RAB3GAP2: variants seen among roughly 807,000 people sequenced by gnomAD.
The protein encoded by RAB3GAP2 is rab3 GTPase-activating protein non-catalytic subunit.
A neutral mutation model predicts 185.3 loss-of-function variants in RAB3GAP2; 87 were observed. The ratio of observed to expected loss-of-function variants is 0.47; its 90% CI spans 0.39 to 0.56. RAB3GAP2 has a LOEUF of 0.56. Among genes scored for constraint, RAB3GAP2 ranks in the 20% least tolerant of loss-of-function variants. The pLI, the probability that RAB3GAP2 is intolerant of heterozygous loss-of-function variation, is 0.00. For synonymous variants in RAB3GAP2, 554 were observed against 576.1 expected, an observed-to-expected ratio of 0.96 and a Z score of 0.55; for missense variants, 1,492 against 1,638.2, an observed-to-expected ratio of 0.91 and a Z score of 1.54.
At chr1:220,195,206 C>T in intron 11 of RAB3GAP2, 39 bp from the exon 12 acceptor site, 1 of 1,609,900 alleles carries the variant, frequency 6.2e-7, no homozygotes, top group Non-Finnish European at 8.5e-7. Flanking sequence ...AACTGAGCTT[C>T]CAGGGTTTTA....
In RAB3GAP2 at chr1:220,167,392, C is replaced by T. The variant is rs2102857054; in HGVS notation, c.2988G>A (p.Leu996=). 6.2e-7 allele frequency: 1 copy of T among 1,614,074 alleles called. No individual in the cohort carries two copies. ...EMDLGAIPDL[L]HLAYEQFPCS... The stretch of plus-strand genomic sequence containing the variant: ...AAGGAAACTGCTCATAGGCTAAATG[C>T]AGTAAGTCTGAAAGTCAGAAGAAAG... Residue 996 remains leucine (L), a synonymous_variant, in exon 26 of 35, where the codon CTG becomes CTA. Coordinates refer to ENST00000358951, the MANE Select transcript of RAB3GAP2 (RefSeq NM_012414.4).
chr1:220,199,958 G>C (rs1658811026), intron 9 of RAB3GAP2, among the ~76,000 whole-genome samples: 1 of 152,138 alleles, frequency 6.6e-6, no homozygotes. Context: ...CAAACAGGGA[G>C]ATATGTTTAA....
intron 9 of RAB3GAP2, among the ~76,000 whole-genome samples, chr1:220,200,328 T>C (rs1658825604): frequency 1.3e-5 from 2 of 152,196 alleles, no homozygotes; most frequent in African/African-American, 4.8e-5. Context: ...CTCTCTACCA[T>C]AACCTACTTA....
rs373538022 is a variant in RAB3GAP2, at chr1:220,154,045, A to G, written c.3568T>C (p.Phe1190Leu). 1 of 1,613,470 alleles carries G rather than the reference A, an allele frequency of 6.2e-7. No individual in the cohort carries two copies. Among genetic ancestry groups the G allele is most frequent in the Non-Finnish European group, 8.5e-7 (1 of 1,179,744 alleles). Residue 1190 changes from phenylalanine to leucine, a missense_variant, in exon 32 of 35, where the codon TTT becomes CTT. Coordinates refer to ENST00000358951, the MANE Select transcript of RAB3GAP2 (RefSeq NM_012414.4). ...SLFDSKGKNA[F>L]FKDLTSIQLL... ...TGAATTGAAGTTAGGTCTTTGAAAA[A>G]TGCATTTTTTCCCTAAAAAGAAAGA...
At chr1:220,195,199 T>C (rs777156872) in intron 11 of RAB3GAP2, 32 bp from the exon 12 acceptor site, 2 of 1,611,408 alleles carry the variant, frequency 1.2e-6, no homozygotes, top group South Asian at 1.1e-5. Context: ...AATATAAAAC[T>C]GAGCTTCCAG....
intron 7 of RAB3GAP2, chr1:220,208,347 T>C (rs1225071046): frequency 6.6e-6 from 1 of 152,210 alleles, no homozygotes; most frequent in Non-Finnish European, 1.5e-5. Context: ...TCCTATCTCC[T>C]TACGATGAGT....
At chr1:220,154,694 A>G (rs1657824872) in intron 31 of RAB3GAP2, among the ~76,000 whole-genome samples, 1 of 151,574 alleles carries the variant, frequency 6.6e-6, no homozygotes, top group Non-Finnish European at 1.5e-5. Context: ...AGTAATAGCT[A>G]AGTAATACAT....
chr1:220,214,902 A>G (rs1051410502), intron 2 of RAB3GAP2, among the ~76,000 whole-genome samples: 32 of 142,080 alleles, frequency 2.3e-4, no homozygotes, highest in African/African-American at 8.5e-4. Flanking sequence ...CTTTATGCAC[A>G]TTTACTACCC....
chr1:220,170,747 A>T, intron 24 of RAB3GAP2, 145 bp downstream of exon 24: 2 of 725,074 alleles, frequency 2.8e-6, no homozygotes, highest in Non-Finnish European at 4.6e-6. Context: ...AGAGAAAATT[A>T]ATTTAAAGGT....
Position 220,190,150 on chromosome 1 carries a change from A to G in RAB3GAP2, c.1632-4T>C. The G allele has an allele frequency of 6.2e-7, 1 of 1,606,588 alleles. No homozygotes were observed. Among genetic ancestry groups the G allele is most frequent in the African/African-American group, 1.3e-5 (1 of 74,866 alleles). On this transcript the variant is annotated splice_region_variant and splice_polypyrimidine_tract_variant and intron_variant, in intron 15 of 34. Coordinates refer to ENST00000358951, the MANE Select transcript of RAB3GAP2 (RefSeq NM_012414.4). Reference sequence around the variant, plus strand: ...GGCTCGTTCACTCTTCTTATCACTAAACCAATAAATATAACAAATTATTAC... The same window carrying G: ...GGCTCGTTCACTCTTCTTATCACTAGACCAATAAATATAACAAATTATTAC...
chr1:220,214,392 G>A (rs567640630), intron 2 of RAB3GAP2, among the ~76,000 whole-genome samples: 156 of 152,180 alleles, frequency 1.0e-3, no homozygotes, highest in Non-Finnish European at 1.2e-3. Flanking sequence ...CAGGTGTGGC[G>A]GCGCGTGCCT....
intron 21 of RAB3GAP2, among the ~76,000 whole-genome samples, chr1:220,176,746 C>G (rs1364200995): frequency 6.6e-6 from 1 of 152,172 alleles, no homozygotes; most frequent in African/African-American, 2.4e-5. Context: ...CTCTATCTCA[C>G]AGCAGATCCC....
chr1:220,262,470 C>T (rs1313480583), intron 1 of RAB3GAP2, among the ~76,000 whole-genome samples: 1 of 152,102 alleles, frequency 6.6e-6, no homozygotes, highest in Non-Finnish European at 1.5e-5. Context: ...TTAAACAATT[C>T]CCGTTCTCCC....
intron 3 of RAB3GAP2, 152 bp from the exon 4 acceptor site, chr1:220,213,120 G>A: frequency 1.7e-6 from 1 of 583,258 alleles, no homozygotes; most frequent in Non-Finnish European, 3.0e-6. Context: ...GTAAATATAA[G>A]ATAAACATGT....
chr1:220,246,507 C>T (rs1659819531), intron 1 of RAB3GAP2, among the ~76,000 whole-genome samples: 1 of 116,520 alleles, frequency 8.6e-6, no homozygotes, highest in Non-Finnish European at 1.7e-5. Context: ...ATAGCAAAGA[C>T]TTGGAACCAA....
At chr1:220,170,693 G>T (rs1658157408) in intron 24 of RAB3GAP2, among the ~76,000 whole-genome samples, 199 bp downstream of exon 24, 1 of 152,216 alleles carries the variant, frequency 6.6e-6, no homozygotes, top group South Asian at 2.1e-4. Flanking sequence ...GCAGAGGGAA[G>T]CACCTAGCAG....
rs1298794306 is a variant in RAB3GAP2, at chr1:220,149,116, T to C, written c.*2135A>G. 6.6e-6 allele frequency: 1 copy of C among 152,216 alleles called. No homozygotes were observed. Among genetic ancestry groups the C allele is most frequent in the East Asian group, 1.9e-4 (1 of 5,202 alleles). The allele number at this position is 152,216 out of a possible 1,614,324, so 9.4% of individuals were successfully genotyped here. On this transcript the variant is annotated 3_prime_UTR_variant, in exon 35 of 35. Transcript: ENST00000358951. ...TCTTTGTTATTATAGAATGTCTACA[T>C]AGGTATTTATTTGCCTTTCTTCCTA... is the stretch of plus-strand genomic sequence containing the variant.
chr1:220,164,472 T>C (rs575700885), intron 27 of RAB3GAP2, among the ~76,000 whole-genome samples: 105 of 137,436 alleles, frequency 7.6e-4, no homozygotes, highest in African/African-American at 3.0e-3. Flanking sequence ...TTTTTTGTTT[T>C]GTTTTTTTTT....
chr1:220,246,164 C>T (rs1659811105), intron 1 of RAB3GAP2, among the ~76,000 whole-genome samples: 1 of 152,158 alleles, frequency 6.6e-6, no homozygotes, highest in Non-Finnish European at 1.5e-5. Context: ...AGCCAAAAAA[C>T]ACATGAAAAA....
Sources: allele counts gnomAD v4.1 joint callset (sites outside exome capture counted in the v4.1 genomes callset), GRCh38; gene constraint gnomAD v4.1.1; transcripts MANE v1.5; gene names NCBI Gene and HGNC (gene_info 2026-07-23, HGNC 2026-07-21).